Variants in PEBP4 observed in about 807,000 individuals in gnomAD.
The protein encoded by PEBP4 is phosphatidylethanolamine binding protein 4, also known as phosphatidylethanolamine-binding protein 4.
PEBP4 carries 22 observed loss-of-function variants against 23.9 expected under a neutral mutation model. That is an observed-to-expected ratio of 0.92 (90% CI 0.66 to 1.31). The LOEUF is 1.31. Among genes scored for constraint, PEBP4 ranks in the 40% most tolerant of loss-of-function variants. The pLI, the probability that PEBP4 is intolerant of heterozygous loss-of-function variation, is 0.00. For synonymous variants in PEBP4, 112 were observed against 99.3 expected (o/e 1.13, Z -0.76); for missense variants, 324 against 281.7 (o/e 1.15, Z -1.07).
chr8:22,769,265 C>T (rs889217577), intron 4 of PEBP4, among the ~76,000 whole-genome samples: 6 of 152,198 alleles, frequency 3.9e-5, no homozygotes, highest in South Asian at 2.1e-4. Context: ...ATACTCTTGG[C>T]GCCAACCATG....
intron 3 of PEBP4, among the ~76,000 whole-genome samples, chr8:22,902,193 G>C (rs1009785126): frequency 1.3e-5 from 2 of 152,082 alleles, no homozygotes; most frequent in South Asian, 2.1e-4. Context: ...GCCGGGCTTG[G>C]TGGTGCACGC....
intron 4 of PEBP4, among the ~76,000 whole-genome samples, chr8:22,742,878 G>A (rs1585247657): frequency 6.6e-6 from 1 of 152,302 alleles, no homozygotes; most frequent in East Asian, 1.9e-4. Flanking sequence ...TCCCTGTATG[G>A]GGCGGCTTGC....
At chr8:22,930,496 C>T (rs1196736480), upstream of PEBP4, among the ~76,000 whole-genome samples, 4 of 152,152 alleles carry the variant, frequency 2.6e-5, no homozygotes, top group African/African-American at 9.7e-5. Context: ...GAGCATCTTA[C>T]ATGGAGTATA....
chr8:22,907,229 C>T (rs915861780), intron 3 of PEBP4, among the ~76,000 whole-genome samples: 3 of 152,160 alleles, frequency 2.0e-5, no homozygotes, highest in African/African-American at 7.2e-5. Context: ...CAGGCCAAGG[C>T]GAGCAGATCA....
chr8:22,889,681 AATATGTTTTTATAAAGTGCAGAAAT>A (rs1389392412), intron 3 of PEBP4, among the ~76,000 whole-genome samples: 7 of 8,698 alleles, frequency 8.0e-4, no homozygotes, highest in African/African-American at 1.1e-3. Flanking sequence ...AAAGTGCAGA[AATATGTTTTTATAAAGTGCAGAAAT>A]ATGTTTTTAA....
chr8:22,908,393 C>CAAA (rs11356446), intron 3 of PEBP4, among the ~76,000 whole-genome samples: 6 of 141,798 alleles, frequency 4.2e-5, no homozygotes, highest in African/African-American at 1.6e-4. Context: ...AACAAACAAA[C>CAAA]AAAAAAAAAA....
chr8:22,724,367 G>C (rs1188080549), intron 6 of PEBP4, among the ~76,000 whole-genome samples: 3 of 152,200 alleles, frequency 2.0e-5, no homozygotes, highest in Admixed American at 1.3e-4. Flanking sequence ...GGGATGGTGG[G>C]GGACATCTTC....
intron 6 of PEBP4, among the ~76,000 whole-genome samples, chr8:22,714,814 C>T (rs1444061215): frequency 7.2e-5 from 11 of 152,154 alleles, no homozygotes; most frequent in African/African-American, 1.2e-4. Context: ...CCCATTGAAG[C>T]GTTGCTGCCT....
intron 4 of PEBP4, among the ~76,000 whole-genome samples, chr8:22,783,269 GT>G (rs1396824584): frequency 6.6e-6 from 1 of 152,238 alleles, no homozygotes; most frequent in Admixed American, 6.5e-5. Context: ...TGTTCTTTGT[GT>G]TTTCATTCTG....
rs768470702 is a variant in PEBP4 at position 22,817,700 on chromosome 8, A to G, written c.294T>C (p.Asp98=). 2 of 1,614,202 alleles carry G rather than the reference A, an allele frequency of 1.2e-6. No individual in the cohort carries two copies. The highest frequency in any genetic ancestry group is 3.3e-5 in the Admixed American group (2 of 60,022). The part of the protein sequence containing the change: ...ATYILVMVDP[D]APSRAEPRQR... Reference sequence around the variant, plus strand: ...GTCTGGGTTCTGCTCTGCTAGGGGCATCTGGATCCACCATCACCAGGATAT... The same window carrying G: ...GTCTGGGTTCTGCTCTGCTAGGGGCGTCTGGATCCACCATCACCAGGATAT... Residue 98 remains aspartate, a synonymous_variant, in exon 4 of 7, where the codon GAT becomes GAC. Transcript: ENST00000256404.
intron 3 of PEBP4, among the ~76,000 whole-genome samples, chr8:22,869,477 T>G (rs1807967153): frequency 6.6e-6 from 1 of 152,170 alleles, no homozygotes; most frequent in African/African-American, 2.4e-5. Flanking sequence ...AAATGTGGGT[T>G]CAAAGTGAAA....
chr8:22,928,473 T>A (rs1307245059), upstream of PEBP4, among the ~76,000 whole-genome samples: 1 of 152,148 alleles, frequency 6.6e-6, no homozygotes, highest in Non-Finnish European at 1.5e-5. Context: ...TCTGGGGAGC[T>A]GCTTGGGGCT....
intron 3 of PEBP4, among the ~76,000 whole-genome samples, chr8:22,895,048 A>G (rs1049781481): frequency 3.3e-5 from 5 of 152,150 alleles, no homozygotes; most frequent in African/African-American, 9.7e-5. Flanking sequence ...TTTCACACCA[A>G]AGTAGGTGCC....
intron 3 of PEBP4, among the ~76,000 whole-genome samples, chr8:22,867,919 AC>A (rs1286904183): frequency 1.3e-5 from 2 of 152,236 alleles, no homozygotes; most frequent in East Asian, 3.9e-4. Flanking sequence ...TTGGCCTGAT[AC>A]TTGTCCAATA....
At chr8:22,756,071 G>A (rs1805374578) in intron 4 of PEBP4, 1 of 152,194 alleles carries the variant, frequency 6.6e-6, no homozygotes, top group South Asian at 2.1e-4. Flanking sequence ...GATTCAGCGG[G>A]GAAGTTGGCT....
chr8:22,809,091 G>C (rs1344326749), intron 4 of PEBP4, among the ~76,000 whole-genome samples: 1 of 152,198 alleles, frequency 6.6e-6, no homozygotes, highest in Non-Finnish European at 1.5e-5. Context: ...TCCTATGGAG[G>C]ATTGAGGGTG....
chr8:22,767,608 G>A (rs1805635653), intron 4 of PEBP4, among the ~76,000 whole-genome samples: 2 of 151,926 alleles, frequency 1.3e-5, no homozygotes, highest in South Asian at 4.2e-4. Context: ...ACCTTGCCGG[G>A]GGTATATGGA....
rs1563242116 is a variant in PEBP4, at chr8:22,865,129, C to CCCGGGGAAG, written c.259-47403_259-47395dup. ...GGGGTAGACAGAAGGGCTGGGGCGG[C>CCCGGGGAAG]CCGGGGAAGAACCAGTGCTGGACGG... On this transcript the variant is annotated intron_variant, in intron 3 of 6. Coordinates refer to ENST00000256404, the MANE Select transcript of PEBP4 (RefSeq NM_144962.3). This position sits in a 1 kb window ranked among gnomAD's most constrained non-coding sequence, Gnocchi z 6.9. Among the ~76,000 whole-genome samples the CCCGGGGAAG allele has an allele frequency of 6.6e-6, 1 of 152,096 alleles. No homozygotes were observed. Among genetic ancestry groups the CCCGGGGAAG allele is most frequent in the Non-Finnish European group, 1.5e-5 (1 of 68,008 alleles).
At chr8:22,793,303 G>A (rs1475046727) in intron 4 of PEBP4, among the ~76,000 whole-genome samples, 2 of 151,972 alleles carry the variant, frequency 1.3e-5, no homozygotes, top group African/African-American at 2.4e-5. Context: ...GTTTCACTCC[G>A]TCACCTAGGC....
Sources: allele counts gnomAD v4.1 joint callset (sites outside exome capture counted in the v4.1 genomes callset), GRCh38; gene constraint gnomAD v4.1.1; non-coding constraint Gnocchi (gnomAD v3.1); transcripts MANE v1.5; gene names NCBI Gene and HGNC (gene_info 2026-07-23, HGNC 2026-07-21).